The following TSHZ2 variants were observed in gnomAD, a reference collection of about 807,000 sequenced individuals.
TSHZ2 encodes teashirt homolog 2.
Under a neutral mutation model 74.4 loss-of-function variants are expected in TSHZ2, and 21 were observed. The observed-to-expected ratio is 0.28, with a 90% CI of 0.20 to 0.41. The LOEUF (loss-of-function observed/expected upper bound fraction) is 0.41, where lower values mean the gene tolerates loss of function less well. Among genes scored for constraint, TSHZ2 ranks in the 10% least tolerant of loss-of-function variants. TSHZ2 has a pLI of 1.00. For synonymous variants in TSHZ2, 540 were observed against 515.3 expected (o/e 1.05, Z -0.65); for missense variants, 1,244 against 1,293.5 (o/e 0.96, Z 0.59).
At chr20:53,485,450 T>A (rs1195246202) in intron 2 of TSHZ2, among the ~76,000 whole-genome samples, 1 of 152,194 alleles carries the variant, frequency 6.6e-6, no homozygotes, top group African/African-American at 2.4e-5. Context: ...GGCTCACACC[T>A]GTAATCCCAG....
At chr20:53,226,175 A>G (rs1022130967) in intron 1 of TSHZ2, among the ~76,000 whole-genome samples, 2 of 150,742 alleles carry the variant, frequency 1.3e-5, no homozygotes, top group African/African-American at 2.4e-5. Flanking sequence ...CACAAACACA[A>G]TGCTAACTCA....
At chr20:53,341,758 T>C (rs1028975326) in intron 2 of TSHZ2, among the ~76,000 whole-genome samples, 3 of 152,192 alleles carry the variant, frequency 2.0e-5, no homozygotes, top group Admixed American at 1.3e-4. Flanking sequence ...TTGCCCAGGC[T>C]GGAGTGCAAT....
At chr20:53,127,530 AC>A (rs1986980114) in intron 1 of TSHZ2, among the ~76,000 whole-genome samples, 1 of 152,028 alleles carries the variant, frequency 6.6e-6, no homozygotes, top group Non-Finnish European at 1.5e-5. Context: ...ACGTATTGAG[AC>A]CCTGTCTCCA....
At position 53,001,205 on chromosome 20, in the gene TSHZ2, C is replaced by CGTGTGTGTGTGTGT. The variant is rs558621179; in HGVS notation, c.40+27909_40+27922dup. ...ACAATGTTGTGTGTGCGTTCATGTG[C>CGTGTGTGTGTGTGT]GTGTGTGTGTGTGTGTGTGTGTGTG... On this transcript the variant is annotated intron_variant, in intron 1 of 2. Coordinates refer to ENST00000371497, the MANE Select transcript of TSHZ2 (RefSeq NM_173485.6). 1.1e-4 allele frequency among the ~76,000 whole-genome samples: 10 copies of CGTGTGTGTGTGTGT among 94,264 alleles called. No homozygotes were observed. The South Asian group carries it at 1.4e-3, about 13-fold the overall frequency. 61.8% of individuals were successfully genotyped at this position (94,264 alleles called of 152,430 possible).
chr20:53,430,508 A>G (rs1490968263), intron 2 of TSHZ2, among the ~76,000 whole-genome samples: 2 of 152,114 alleles, frequency 1.3e-5, no homozygotes, highest in African/African-American at 2.4e-5. Context: ...TCAAGAAATC[A>G]GAAATCAAGA....
chr20:53,007,288 G>A (rs945004994), intron 1 of TSHZ2, among the ~76,000 whole-genome samples: 2 of 152,300 alleles, frequency 1.3e-5, no homozygotes, highest in Admixed American at 1.3e-4. Flanking sequence ...ACAGAGGAAG[G>A]TTGGCACGAT....
chr20:53,414,320 A>G (rs535972837), intron 2 of TSHZ2, among the ~76,000 whole-genome samples: 3 of 152,078 alleles, frequency 2.0e-5, no homozygotes, highest in African/African-American at 4.8e-5. Context: ...CTTTTATTTA[A>G]AAGAATAAGC....
At chr20:53,140,360 G>A (rs1987359094) in intron 1 of TSHZ2, among the ~76,000 whole-genome samples, 1 of 151,788 alleles carries the variant, frequency 6.6e-6, no homozygotes, top group African/African-American at 2.4e-5. Flanking sequence ...CTAACACGGT[G>A]AAACCCTGTC....
chr20:53,193,893 G>C (rs1988799257), intron 1 of TSHZ2, among the ~76,000 whole-genome samples: 3 of 152,234 alleles, frequency 2.0e-5, no homozygotes. Flanking sequence ...AGAGGAGTCA[G>C]TTTCTCTAGC....
intron 2 of TSHZ2, among the ~76,000 whole-genome samples, chr20:53,415,599 C>T (rs75750967): frequency 1.4e-4 from 3 of 21,570 alleles, no homozygotes; most frequent in Non-Finnish European, 2.0e-4. Flanking sequence ...TGCAGCTGCC[C>T]CCAAATCTGT....
intron 2 of TSHZ2, chr20:53,401,180 GAGAC>G (rs1440612102): frequency 1.3e-5 from 2 of 152,150 alleles, no homozygotes; most frequent in African/African-American, 2.4e-5. Context: ...TGCAGTGACT[GAGAC>G]AGATCAGGTG....
intron 2 of TSHZ2, among the ~76,000 whole-genome samples, chr20:53,275,672 A>G (rs1990930824): frequency 6.6e-6 from 1 of 152,182 alleles, no homozygotes; most frequent in Non-Finnish European, 1.5e-5. Context: ...TCATGCCTAT[A>G]ATTCCAACAC....
At position 53,493,214 on chromosome 20, in the gene TSHZ2, G is replaced by GA. The variant is rs1986493261; in HGVS notation, c.*6085dup. 6.6e-6 allele frequency: 1 copy of GA among 152,144 alleles called. No homozygotes were observed. The highest frequency in any genetic ancestry group is 1.5e-5 in the Non-Finnish European group (1 of 68,006). 9.4% of individuals were successfully genotyped at this position (152,144 alleles called of 1,614,324 possible). On this transcript the variant is annotated 3_prime_UTR_variant, in exon 3 of 3. Transcript: ENST00000371497. ...CCCACAATGGGGATTCTTTTGTATA[G>GA]AAAAAATATGCTTGTAATTTTTTCC...
At chr20:53,458,375 A>G (rs1286274189) in intron 2 of TSHZ2, among the ~76,000 whole-genome samples, 1 of 152,004 alleles carries the variant, frequency 6.6e-6, no homozygotes, top group Admixed American at 6.6e-5. Flanking sequence ...CTCTGATGGT[A>G]GTTTGTATTT....
intron 2 of TSHZ2, among the ~76,000 whole-genome samples, chr20:53,479,980 A>G (rs547343761): frequency 4.2e-4 from 64 of 152,304 alleles, no homozygotes; most frequent in Admixed American, 1.1e-3. Flanking sequence ...GCTCACACCT[A>G]TAATCCCAAT....
At chr20:53,483,014 C>T (rs1446498247) in intron 2 of TSHZ2, among the ~76,000 whole-genome samples, 1 of 152,238 alleles carries the variant, frequency 6.6e-6, no homozygotes, top group East Asian at 1.9e-4. Context: ...AGTGTAGGAA[C>T]ACTGACCTTA....
chr20:53,097,558 G>A (rs918656197), intron 1 of TSHZ2: 2 of 152,180 alleles, frequency 1.3e-5, no homozygotes, highest in African/African-American at 4.8e-5. Flanking sequence ...TACTTAAAAT[G>A]TGTCTTAATA....
At chr20:52,978,159 C>T (rs926993211) in intron 1 of TSHZ2, among the ~76,000 whole-genome samples, 2 of 152,252 alleles carry the variant, frequency 1.3e-5, no homozygotes, top group African/African-American at 4.8e-5. Context: ...AAGGATAATA[C>T]CTGAGTTGAT....
At chr20:53,007,623 G>GTA (rs1450745291) in intron 1 of TSHZ2, among the ~76,000 whole-genome samples, 1 of 151,960 alleles carries the variant, frequency 6.6e-6, no homozygotes, top group Non-Finnish European at 1.5e-5. Context: ...GTGTGTGTGT[G>GTA]TGAGTATGTG....
Sources: gnomAD v4.1 joint callset for allele counts (sites outside exome capture counted in the v4.1 genomes callset) on GRCh38, gnomAD v4.1.1 for gene constraint, MANE v1.5 for transcripts, NCBI Gene and HGNC (gene_info 2026-07-23, HGNC 2026-07-21) for gene names.